Variants in SART3 observed in about 807,000 individuals in gnomAD.
The protein encoded by SART3 is HIV-1 Tat-interacting protein of 110kDa.
Under a neutral mutation model 122.3 loss-of-function variants are expected in SART3, and 44 were observed. The ratio of observed to expected loss-of-function variants is 0.36; its 90% confidence interval spans 0.28 to 0.46. The LOEUF is 0.46. Among genes scored for constraint, SART3 ranks in the 20% least tolerant of loss-of-function variants. SART3 has a pLI of 1.00. For synonymous variants in SART3, 442 were observed against 454.0 expected (o/e 0.97, Z 0.34); for missense variants, 1,101 against 1,229.0 (o/e 0.90, Z 1.56).
At chr12:108,543,509 G>A (rs1200799011) in intron 5 of SART3, among the ~76,000 whole-genome samples, 1 of 152,202 alleles carries the variant, frequency 6.6e-6, no homozygotes, top group Non-Finnish European at 1.5e-5. Flanking sequence ...TGAGGAAACT[G>A]AAGCAGAGGG....
chr12:108,561,092 C>G lies in SART3; in HGVS notation c.63G>C (p.Lys21Asn), dbSNP rs1404096489. 1 of 1,614,220 alleles carries G rather than the reference C, an allele frequency of 6.2e-7. No homozygotes were observed. Among genetic ancestry groups the G allele is most frequent in the Admixed American group, 1.7e-5 (1 of 60,034 alleles). ...TAACCTCATCCTCCTCTCCGTCAGC[C>G]TTGGGCCCAGCCTTGGACTCAGCCT... ...EPEAESKAGP[K>N]ADGEEDEVKA... The change falls in exon 1 of 19, where the codon AAG becomes AAC. Residue 21 changes from lysine to asparagine, a missense_variant. Physicochemically the swap from Lys to Asn is moderately conservative, Grantham distance 94. Coordinates refer to ENST00000546815, the MANE Select transcript of SART3 (RefSeq NM_014706.4).
intron 2 of SART3, 54 bp from the exon 3 acceptor site, chr12:108,548,045 G>A: frequency 6.8e-7 from 1 of 1,469,320 alleles, no homozygotes; most frequent in Non-Finnish European, 9.4e-7. Context: ...CTAAGCGCAG[G>A]GACTTTACCA....
chr12:108,524,648 C>A, intron 17 of SART3, 142 bp from the exon 18 acceptor site: 1 of 718,894 alleles, frequency 1.4e-6, no homozygotes, highest in South Asian at 1.5e-5. Context: ...TTACCTTCCC[C>A]ACCACCGCAT....
intron 1 of SART3, among the ~76,000 whole-genome samples, chr12:108,556,449 C>G (rs765482989): frequency 6.6e-6 from 1 of 152,050 alleles, no homozygotes; most frequent in Non-Finnish European, 1.5e-5. Context: ...AATTACATGC[C>G]AAAAGATAAT....
rs1051759430 is a variant in SART3 at position 108,542,912 on chromosome 12, T to G, written c.906+116A>C. The G allele has an allele frequency of 2.9e-6, 4 of 1,365,194 alleles. No homozygotes were observed. The African/African-American group carries it at 5.8e-5, about 20-fold the overall frequency. The allele number at this position is 1,365,194 out of a possible 1,614,324, so 84.6% of individuals were successfully genotyped here. A position where few individuals can be genotyped will look rare whatever the true frequency, so the allele number is the denominator to read the frequency against. ...TAGTATGTAAACTGTACGTATACAT[T>G]TATACACTCTATATATTTCAGAATA... On this transcript the variant is annotated intron_variant, in intron 6 of 18. Transcript: ENST00000546815.
intron 13 of SART3, chr12:108,531,604 G>T (rs1593235970): frequency 3.3e-6 from 1 of 303,316 alleles, no homozygotes; most frequent in Non-Finnish European, 6.3e-6. Flanking sequence ...CTCAAATGTT[G>T]AGGCATTTAT....
At chr12:108,544,242 C>T (rs2136683023) in intron 5 of SART3, among the ~76,000 whole-genome samples, 185 bp downstream of exon 5, 1 of 152,338 alleles carries the variant, frequency 6.6e-6, no homozygotes, top group East Asian at 1.9e-4. Flanking sequence ...TCACAACCCT[C>T]TTAAGCACTA....
chr12:108,549,331 G>T, intron 1 of SART3, 117 bp from the exon 2 acceptor site: 2 of 1,114,220 alleles, frequency 1.8e-6, no homozygotes, highest in Non-Finnish European at 2.7e-6. Flanking sequence ...TGCTATCTGA[G>T]AAAACCACTG....
Position 108,522,345 on chromosome 12 carries a change from G to C in SART3, c.*1112C>G, listed in dbSNP as rs776381091. 6.6e-6 allele frequency among the ~76,000 whole-genome samples: 1 copy of C among 152,220 alleles called. No individual in the cohort carries two copies. The highest frequency in any genetic ancestry group is 1.5e-5 in the Non-Finnish European group (1 of 68,036). On this transcript the variant is annotated 3_prime_UTR_variant, in exon 19 of 19. Transcript: ENST00000546815. The stretch of plus-strand genomic sequence containing the variant: ...ACTTAAACTTACGCAACAGATAAAT[G>C]AGGAGTTGATTCCCACGACATATAC...
At chr12:108,541,371 T>C (rs192947094) in intron 6 of SART3, among the ~76,000 whole-genome samples, 5 of 151,728 alleles carry the variant, frequency 3.3e-5, no homozygotes, top group East Asian at 1.9e-4. Context: ...TCACGCCACT[T>C]CACTCCAGCC....
rs1872707801 is a variant in SART3 at position 108,532,168 on chromosome 12, G to C, written c.1669+54C>G. On this transcript the variant is annotated intron_variant, in intron 13 of 18. Coordinates refer to ENST00000546815, the MANE Select transcript of SART3 (RefSeq NM_014706.4). ...ACTGTAACCAGATGCTCCTACTTGA[G>C]ACCAAACAGCAAATGGGTTAGGCTC... 4 of 1,503,496 alleles carry C rather than the reference G, an allele frequency of 2.7e-6. No homozygotes were observed. In the East Asian group the frequency reaches 9.0e-5, roughly 34 times the overall value. 93.1% of individuals were successfully genotyped at this position (1,503,496 alleles called of 1,614,324 possible). A position where few individuals can be genotyped will look rare whatever the true frequency, so the allele number is the denominator to read the frequency against.
intron 6 of SART3, among the ~76,000 whole-genome samples, chr12:108,540,504 T>C (rs1262277203): frequency 6.6e-6 from 1 of 151,956 alleles, no homozygotes; most frequent in Non-Finnish European, 1.5e-5. Flanking sequence ...CAGAAACCTA[T>C]ATATGTTCAT....
chr12:108,548,053 C>G, intron 2 of SART3, 62 bp from the exon 3 acceptor site: 1 of 1,374,658 alleles, frequency 7.3e-7, no homozygotes, highest in East Asian at 2.3e-5. Context: ...AGGGACTTTA[C>G]CAAGAGACAT....
At chr12:108,529,880 T>A (rs1872576090) in intron 15 of SART3, among the ~76,000 whole-genome samples, 1 of 151,914 alleles carries the variant, frequency 6.6e-6, no homozygotes, top group South Asian at 2.1e-4. Context: ...CAATAGTGCA[T>A]CCTGAACCGG....
chr12:108,524,345 G>A lies in SART3; in HGVS notation c.2685C>T (p.Gly895=), dbSNP rs1872268493. ...EKPETRKAPG[G]PMLLPQTYGA... ...CGTATGTCTGCGGCAAAAGCATGGG[G>A]CCACCTGGTGCCTTCCTGGTCTCCG... is the stretch of plus-strand genomic sequence containing the variant. The change falls in exon 18 of 19, where the codon GGC becomes GGT. Residue 895 remains glycine (G), a synonymous_variant. Transcript: ENST00000546815. The A allele has an allele frequency of 3.7e-6, 6 of 1,614,010 alleles. No individual in the cohort carries two copies. Among genetic ancestry groups the A allele is most frequent in the Admixed American group, 3.3e-5 (2 of 60,016 alleles).
chr12:108,531,432 CA>C (rs1872673314), intron 13 of SART3, 152 bp from the exon 14 acceptor site: 1 of 660,338 alleles, frequency 1.5e-6, no homozygotes, highest in Non-Finnish European at 2.7e-6. Flanking sequence ...GTTCAGAATT[CA>C]AATAGTCCTT....
Position 108,526,174 on chromosome 12 carries a change from C to A in SART3, c.2295G>T (p.Met765Ile). The change falls in exon 16 of 19, where the codon ATG becomes ATT. Residue 765 changes from methionine to isoleucine, a missense_variant. Transcript: ENST00000546815. The stretch of plus-strand genomic sequence containing the variant: ...GCCTCCCTTCTACACTTTTCCGGTC[C>A]ATCTCCAGTGCCTGAAGGGCTGATT... ...EEKSALQALE[M>I]DRKSVEGRPM... 1 of 1,614,242 alleles carries A rather than the reference C, an allele frequency of 6.2e-7. No homozygotes were observed. The highest frequency in any genetic ancestry group is 2.2e-5 in the East Asian group (1 of 44,886).
At chr12:108,537,998 T>C in intron 8 of SART3, 67 bp downstream of exon 8, 2 of 1,603,750 alleles carry the variant, frequency 1.2e-6, no homozygotes, top group Non-Finnish European at 1.7e-6. Flanking sequence ...GTAATGACTT[T>C]GTCACCGCTC....
At chr12:108,523,839 G>A in intron 18 of SART3, 2 of 625,352 alleles carry the variant, frequency 3.2e-6, no homozygotes, top group South Asian at 3.9e-5. Context: ...TTTTGGCAAA[G>A]ATCAACCCTG....
Sources: gnomAD v4.1 joint callset for allele counts (sites outside exome capture counted in the v4.1 genomes callset) on GRCh38, gnomAD v4.1.1 for gene constraint, MANE v1.5 for transcripts, NCBI Gene and HGNC (gene_info 2026-07-23, HGNC 2026-07-21) for gene names.